The following CACNA1A variants were observed in gnomAD, a reference collection of about 807,000 sequenced individuals.
The protein encoded by CACNA1A is voltage-dependent P/Q-type calcium channel subunit alpha-1A.
A neutral mutation model predicts 262.4 loss-of-function variants in CACNA1A; 57 were observed. The ratio of observed to expected loss-of-function variants is 0.22; its 90% CI spans 0.18 to 0.27. CACNA1A has a LOEUF of 0.27. Ranked by LOEUF, CACNA1A falls within the 10% of genes least tolerant of loss-of-function variation. CACNA1A has a pLI of 1.00. For missense variants in CACNA1A, 2,526 were observed against 3,562.8 expected (o/e 0.71, Z 7.41); for synonymous variants, 1,431 against 1,419.3 (o/e 1.01, Z -0.18).
intron 1 of CACNA1A, among the ~76,000 whole-genome samples, chr19:13,470,535 T>G (rs1349311323): frequency 6.6e-6 from 1 of 152,222 alleles, no homozygotes; most frequent in African/African-American, 2.4e-5. Context: ...TCCTAGGTAA[T>G]CACCCTTTAT....
At chr19:13,221,924 T>C (rs1279498936) in intron 38 of CACNA1A, among the ~76,000 whole-genome samples, 3 of 152,128 alleles carry the variant, frequency 2.0e-5, no homozygotes, top group African/African-American at 7.2e-5. Flanking sequence ...TTTTTATTTT[T>C]GAGATGGAGT....
chr19:13,315,838 TAGAC>T (rs2058116505), intron 11 of CACNA1A: 1 of 152,188 alleles, frequency 6.6e-6, no homozygotes, highest in African/African-American at 2.4e-5. Flanking sequence ...GTGAATAAAT[TAGAC>T]AGCCAGTAGG....
At chr19:13,429,708 G>C (rs928127590) in intron 3 of CACNA1A, among the ~76,000 whole-genome samples, 4 of 151,686 alleles carry the variant, frequency 2.6e-5, no homozygotes, top group African/African-American at 9.7e-5. Context: ...TAGCCAAAAG[G>C]TGGAAGCCAA....
At chr19:13,374,940 G>C (rs2059380241) in intron 3 of CACNA1A, among the ~76,000 whole-genome samples, 1 of 152,144 alleles carries the variant, frequency 6.6e-6, no homozygotes, top group African/African-American at 2.4e-5. Context: ...CAAAGTGCTG[G>C]GATTATGGAC....
intron 3 of CACNA1A, among the ~76,000 whole-genome samples, chr19:13,429,107 T>C (rs906501414): frequency 6.6e-6 from 1 of 151,668 alleles, no homozygotes; most frequent in African/African-American, 2.4e-5. Context: ...GCCCATTAGC[T>C]TTCTTTGCCC....
chr19:13,210,778 A>G, intron 43 of CACNA1A, 126 bp from the exon 44 acceptor site: 3 of 949,984 alleles, frequency 3.2e-6, no homozygotes, highest in Non-Finnish European at 5.0e-6. Context: ...TGGCACTGGC[A>G]TCAAGAGAAA....
At chr19:13,447,905 C>G (rs138714478) in intron 3 of CACNA1A, among the ~76,000 whole-genome samples, 1 of 152,286 alleles carries the variant, frequency 6.6e-6, no homozygotes, top group African/African-American at 2.4e-5. Flanking sequence ...GGGGGTGAGT[C>G]TGCCTCTCCT....
rs1368691825 is a variant in CACNA1A at position 13,241,583 on chromosome 19, C to A, written c.4950+3599G>T. The A allele has an allele frequency of 1.2e-5, 12 of 1,015,288 alleles. No homozygotes were observed. The highest frequency in any genetic ancestry group is 1.6e-5 in the African/African-American group (1 of 62,338). 62.9% of individuals were successfully genotyped at this position (1,015,288 alleles called of 1,614,324 possible). ...GGGCGGGCGGGGGCAGTTGGGGAGG[C>A]GTGTTCAGCATTTTTTAGGTTGATT... On this transcript the variant is annotated intron_variant, in intron 31 of 46. Coordinates refer to ENST00000360228, the MANE Select transcript of CACNA1A (RefSeq NM_001127222.2). This position sits in a 1 kb window ranked among gnomAD's most constrained non-coding sequence, Gnocchi z 4.0.
chr19:13,365,240 C>T lies in CACNA1A; in HGVS notation c.784+77G>A. ...TCCCAGCTGCCAGGAGAAAGAAGCA[C>T]ACCCCTGCCTAATCCTCCCAAGAGC... On this transcript the variant is annotated intron_variant, in intron 5 of 46. Transcript: ENST00000360228. 3 of 1,322,966 alleles carry T rather than the reference C, an allele frequency of 2.3e-6. No homozygotes were observed. The Admixed American group carries it at 6.0e-5, about 26-fold the overall frequency. The allele number at this position is 1,322,966 out of a possible 1,614,324, so 82.0% of individuals were successfully genotyped here.
chr19:13,433,354 A>C (rs976511335), intron 3 of CACNA1A, among the ~76,000 whole-genome samples: 1 of 149,794 alleles, frequency 6.7e-6, no homozygotes. Context: ...CTAGCTACTC[A>C]GGAGGCTGAC....
At chr19:13,237,953 G>C (rs1285527191) in intron 31 of CACNA1A, among the ~76,000 whole-genome samples, 1 of 152,220 alleles carries the variant, frequency 6.6e-6, no homozygotes, top group Non-Finnish European at 1.5e-5. Context: ...TCAGGAGGGG[G>C]GTTTGGAGGA....
At chr19:13,483,122 T>G (rs1026688340) in intron 1 of CACNA1A, among the ~76,000 whole-genome samples, 6 of 152,130 alleles carry the variant, frequency 3.9e-5, no homozygotes, top group Non-Finnish European at 5.9e-5. Context: ...GGTTCACTAC[T>G]TCTATATGTG....
At chr19:13,395,515 GGCA>G (rs1448388653) in intron 3 of CACNA1A, among the ~76,000 whole-genome samples, 2 of 151,630 alleles carry the variant, frequency 1.3e-5, no homozygotes, top group Admixed American at 1.3e-4. Flanking sequence ...GGGAGGCTGA[GGCA>G]GGAGAATCAT....
intron 3 of CACNA1A, among the ~76,000 whole-genome samples, chr19:13,433,248 G>A (rs2060547166): frequency 6.7e-6 from 1 of 149,276 alleles, no homozygotes; most frequent in African/African-American, 2.5e-5. Context: ...AGCCGAGATT[G>A]CGCCACTGCA....
chr19:13,398,168 C>G (rs2059841061), intron 3 of CACNA1A, among the ~76,000 whole-genome samples: 1 of 151,454 alleles, frequency 6.6e-6, no homozygotes. Flanking sequence ...GAGGCTGAGT[C>G]AGGAGAATGC....
rs553653069 is a variant in CACNA1A at position 13,234,710 on chromosome 19, T to C, written c.5249+211A>G. 1.2e-4 allele frequency: 67 copies of C among 547,340 alleles called. No homozygotes were observed. The East Asian group carries it at 1.9e-3, about 16-fold the overall frequency. 33.9% of individuals were successfully genotyped at this position (547,340 alleles called of 1,614,324 possible). A position where few individuals can be genotyped will look rare whatever the true frequency, so the allele number is the denominator to read the frequency against. Reference sequence around the variant, plus strand: ...AAGGAGGAGGAGGGCACGCCCCCTATCGGAAGAGAAGGCCGGCACGTCCCC... The same window carrying C: ...AAGGAGGAGGAGGGCACGCCCCCTACCGGAAGAGAAGGCCGGCACGTCCCC... On this transcript the variant is annotated intron_variant, in intron 34 of 46. Transcript: ENST00000360228.
rs146095824 is a variant in CACNA1A at position 13,320,237 on chromosome 19, C to CGAGAGAGAGAGAGAGA, written c.1346-2932_1346-2917dup. On this transcript the variant is annotated intron_variant, in intron 10 of 46. Coordinates refer to ENST00000360228, the MANE Select transcript of CACNA1A (RefSeq NM_001127222.2). The stretch of plus-strand genomic sequence containing the variant: ...GGGACAGGGGGGATGTTCCACAGAT[C>CGAGAGAGAGAGAGAGA]GAGAGAGAGAGAGAGAGAGAGAGAG... Among the ~76,000 whole-genome samples the CGAGAGAGAGAGAGAGA allele has an allele frequency of 2.9e-3, 370 of 127,204 alleles. 9 individuals are homozygous for CGAGAGAGAGAGAGAGA. Among genetic ancestry groups the CGAGAGAGAGAGAGAGA allele is most frequent in the East Asian group, 0.015 (61 of 3,938 alleles). The allele number at this position is 127,204 out of a possible 152,430, so 83.5% of individuals were successfully genotyped here.
intron 20 of CACNA1A, among the ~76,000 whole-genome samples, chr19:13,285,911 C>T (rs935775834): frequency 4.0e-5 from 6 of 150,972 alleles, no homozygotes; most frequent in African/African-American, 1.5e-4. Context: ...ATAGAACTGA[C>T]ACTAGATGAA....
chr19:13,252,920 T>C, intron 30 of CACNA1A, 71 bp downstream of exon 30: 1 of 1,008,114 alleles, frequency 9.9e-7, no homozygotes, highest in Non-Finnish European at 1.5e-6. Context: ...TGGGAGACCA[T>C]CATCCAGGAC....
Sources: allele counts gnomAD v4.1 joint callset (sites outside exome capture counted in the v4.1 genomes callset), GRCh38; gene constraint gnomAD v4.1.1; non-coding constraint Gnocchi (gnomAD v3.1); transcripts MANE v1.5; gene names NCBI Gene and HGNC (gene_info 2026-07-23, HGNC 2026-07-21).